The following NRG1 variants were observed in gnomAD, a reference collection of about 807,000 sequenced individuals.
NRG1 encodes the protein neuregulin 1, also known as pro-neuregulin-1, membrane-bound isoform.
Under a neutral mutation model 63.8 loss-of-function variants are expected in NRG1, and 18 were observed. The ratio of observed to expected loss-of-function variants is 0.28; its 90% CI spans 0.19 to 0.42. The LOEUF (loss-of-function observed/expected upper bound fraction) is 0.42. NRG1 is among the 10% of genes least tolerant of loss of function. The pLI, the probability that NRG1 is intolerant of heterozygous loss-of-function variation, is 1.00. For synonymous variants in NRG1, 302 were observed against 301.3 expected (o/e 1.00, Z -0.02); for missense variants, 762 against 814.7 (o/e 0.94, Z 0.79).
chr8:32,237,976 ACT>A (rs778740627), intron 1 of NRG1, among the ~76,000 whole-genome samples: 2 of 152,156 alleles, frequency 1.3e-5, no homozygotes, highest in Non-Finnish European at 2.9e-5. Flanking sequence ...AAAAATAAAC[ACT>A]CTGCAAATTT....
At chr8:32,647,236 C>T (rs924305456) in intron 5 of NRG1, 2 of 985,206 alleles carry the variant, frequency 2.0e-6, no homozygotes, top group Non-Finnish European at 2.4e-6. Context: ...CCTCTCCTGC[C>T]GCCGCTGCTG....
At chr8:31,989,121 C>T (rs950432928) in intron 1 of NRG1, among the ~76,000 whole-genome samples, 2 of 151,262 alleles carry the variant, frequency 1.3e-5, no homozygotes, top group African/African-American at 2.4e-5. Flanking sequence ...TGGTGGTGTG[C>T]GCCTGTAGTC....
intron 1 of NRG1, among the ~76,000 whole-genome samples, chr8:31,914,776 C>A (rs1833240767): frequency 6.6e-6 from 1 of 151,512 alleles, no homozygotes; most frequent in Non-Finnish European, 1.5e-5. Flanking sequence ...GTGTATGTTA[C>A]CTTTTTAGTG....
chr8:32,413,380 G>A (rs1295009715), intron 1 of NRG1, among the ~76,000 whole-genome samples: 1 of 152,124 alleles, frequency 6.6e-6, no homozygotes, highest in Non-Finnish European at 1.5e-5. Context: ...AGGAGAGATG[G>A]TAACTAAATA....
chr8:31,935,601 A>G (rs921583413), intron 1 of NRG1, among the ~76,000 whole-genome samples: 3 of 152,168 alleles, frequency 2.0e-5, no homozygotes, highest in Non-Finnish European at 2.9e-5. Context: ...AACCTCAGAG[A>G]GCATGGATTA....
At chr8:31,994,370 A>C (rs1180492912) in intron 1 of NRG1, among the ~76,000 whole-genome samples, 1 of 151,840 alleles carries the variant, frequency 6.6e-6, no homozygotes, top group Non-Finnish European at 1.5e-5. Flanking sequence ...GAAGTCTCCT[A>C]GGCTGGGTGC....
chr8:31,838,244 C>T (rs1825867238), intron 1 of NRG1, among the ~76,000 whole-genome samples: 1 of 152,048 alleles, frequency 6.6e-6, no homozygotes, highest in African/African-American at 2.4e-5. Flanking sequence ...ACCTTTATCA[C>T]ATAAAAATTT....
intron 1 of NRG1, among the ~76,000 whole-genome samples, chr8:32,302,144 T>C (rs1274852286): frequency 6.6e-6 from 1 of 152,212 alleles, no homozygotes; most frequent in Non-Finnish European, 1.5e-5. Flanking sequence ...CACGTTGTAC[T>C]TCCAGTTTCG....
At chr8:32,110,064 A>G (rs1013814070) in intron 1 of NRG1, among the ~76,000 whole-genome samples, 1 of 152,164 alleles carries the variant, frequency 6.6e-6, no homozygotes, top group African/African-American at 2.4e-5. Flanking sequence ...TGCAAACCCC[A>G]TACTGTTGCT....
intron 1 of NRG1, among the ~76,000 whole-genome samples, chr8:31,677,798 ATTTTACT>A (rs1183226415): frequency 1.3e-5 from 2 of 152,100 alleles, no homozygotes; most frequent in Non-Finnish European, 2.9e-5. Context: ...CTGGTGATTT[ATTTTACT>A]TTTATTTGTC....
intron 1 of NRG1, among the ~76,000 whole-genome samples, chr8:32,179,322 C>A (rs1004032872): frequency 1.3e-5 from 2 of 151,700 alleles, no homozygotes; most frequent in African/African-American, 4.8e-5. Context: ...ACCTCCCTGA[C>A]AACAACACAT....
At chr8:32,238,374 G>T (rs775601555) in intron 1 of NRG1, among the ~76,000 whole-genome samples, 2 of 151,342 alleles carry the variant, frequency 1.3e-5, no homozygotes, top group East Asian at 3.9e-4. Context: ...CAGGAGAATC[G>T]CTTGAACATG....
intron 1 of NRG1, among the ~76,000 whole-genome samples, chr8:31,691,063 T>A (rs1477401312): frequency 1.3e-5 from 2 of 152,110 alleles, no homozygotes; most frequent in African/African-American, 2.4e-5. Context: ...CCTGGGTCAC[T>A]CTAGCAGAGA....
intron 1 of NRG1, among the ~76,000 whole-genome samples, chr8:32,368,882 G>T (rs972439054): frequency 6.6e-6 from 1 of 152,136 alleles, no homozygotes; most frequent in Non-Finnish European, 1.5e-5. Context: ...TTAAATCACC[G>T]TAACACTGCA....
intron 1 of NRG1, among the ~76,000 whole-genome samples, chr8:32,110,757 C>A (rs1831910000): frequency 2.6e-5 from 4 of 152,282 alleles, no homozygotes; most frequent in Middle Eastern, 6.8e-3. Context: ...ATGGTACTCA[C>A]AATTACCTTT....
intron 1 of NRG1, among the ~76,000 whole-genome samples, chr8:32,427,171 A>G (rs1043893100): frequency 6.6e-6 from 1 of 151,842 alleles, no homozygotes; most frequent in Non-Finnish European, 1.5e-5. Context: ...GCTAACTTTA[A>G]CTCTTTAAGC....
intron 1 of NRG1, among the ~76,000 whole-genome samples, chr8:32,090,385 A>G (rs1828938062): frequency 6.6e-6 from 1 of 152,182 alleles, no homozygotes; most frequent in South Asian, 2.1e-4. Flanking sequence ...CAGTGGTGCG[A>G]CGTTGGCCCC....
At chr8:32,106,196 G>A (rs1831234680) in intron 1 of NRG1, among the ~76,000 whole-genome samples, 1 of 152,146 alleles carries the variant, frequency 6.6e-6, no homozygotes, top group Non-Finnish European at 1.5e-5. Flanking sequence ...TTGCTCATGG[G>A]AGAGACACAA....
intron 1 of NRG1, among the ~76,000 whole-genome samples, chr8:32,070,210 C>T (rs896977965): frequency 7.2e-5 from 11 of 152,238 alleles, no homozygotes; most frequent in African/African-American, 2.6e-4. Context: ...CAGAGCGGTA[C>T]AAAATCTACC....
Sources: gnomAD v4.1 joint callset for allele counts (sites outside exome capture counted in the v4.1 genomes callset) on GRCh38, gnomAD v4.1.1 for gene constraint, MANE v1.5 for transcripts, NCBI Gene and HGNC (gene_info 2026-07-23, HGNC 2026-07-21) for gene names.